The following STARD13 variants were observed in gnomAD, a reference collection of about 807,000 sequenced individuals.
The protein encoded by STARD13 is stAR-related lipid transfer protein 13.
A neutral mutation model predicts 106.4 loss-of-function variants in STARD13; 62 were observed. The ratio of observed to expected loss-of-function variants is 0.58; its 90% confidence interval spans 0.48 to 0.72. The LOEUF (loss-of-function observed/expected upper bound fraction) is 0.72. STARD13 is among the 30% of genes least tolerant of loss of function. The pLI is 0.00. For synonymous variants in STARD13, 565 were observed against 553.0 expected (o/e 1.02, Z -0.31); for missense variants, 1,387 against 1,424.0 (o/e 0.97, Z 0.42).
At chr13:33,121,758 C>A (rs1237498610) in intron 7 of STARD13, among the ~76,000 whole-genome samples, 2 of 145,036 alleles carry the variant, frequency 1.4e-5, no homozygotes, top group African/African-American at 2.5e-5. Context: ...AGCTCAACCA[C>A]AACCTCCATC....
the STARD13 span, among the ~76,000 whole-genome samples, chr13:33,476,495 T>C: frequency 6.6e-6 from 1 of 152,210 alleles, no homozygotes; most frequent in Non-Finnish European, 1.5e-5. Flanking sequence ...ATTATTTAAG[T>C]AAAAGGAGAT....
upstream of STARD13, among the ~76,000 whole-genome samples, chr13:33,353,063 C>T (rs1244850367): frequency 6.6e-6 from 1 of 152,172 alleles, no homozygotes; most frequent in East Asian, 1.9e-4. Context: ...GCTTTCTTTC[C>T]CTTCTTGTCC....
chr13:33,673,082 C>T, the STARD13 span, among the ~76,000 whole-genome samples: 1 of 152,172 alleles, frequency 6.6e-6, no homozygotes, highest in Non-Finnish European at 1.5e-5. Flanking sequence ...ACAAATGAAG[C>T]TAGGATGCTA....
At chr13:33,163,513 C>T (rs1029492668) in intron 3 of STARD13, among the ~76,000 whole-genome samples, 1 of 149,036 alleles carries the variant, frequency 6.7e-6, no homozygotes, top group African/African-American at 2.5e-5. Flanking sequence ...TCATTTGAAC[C>T]CAGGAGGTAA....
At chr13:33,137,459 A>C (rs922019114) in intron 4 of STARD13, among the ~76,000 whole-genome samples, 1 of 152,236 alleles carries the variant, frequency 6.6e-6, no homozygotes, top group African/African-American at 2.4e-5. Flanking sequence ...TCTGGAGGAC[A>C]GAGCTAAAGG....
the STARD13 span, among the ~76,000 whole-genome samples, chr13:33,622,646 G>A: frequency 7.0e-6 from 1 of 143,248 alleles, no homozygotes; most frequent in Non-Finnish European, 1.5e-5. Flanking sequence ...AAAAGGCTGG[G>A]CGTGGTGGCT....
intron 1 of STARD13, among the ~76,000 whole-genome samples, chr13:33,313,246 A>G (rs888161094): frequency 6.6e-6 from 1 of 152,224 alleles, no homozygotes; most frequent in Admixed American, 6.5e-5. Context: ...GGAATGAAAA[A>G]AATGTGTTAT....
chr13:33,189,811 G>C (rs1022977170), intron 1 of STARD13, among the ~76,000 whole-genome samples: 1 of 151,728 alleles, frequency 6.6e-6, no homozygotes, highest in African/African-American at 2.4e-5. Context: ...ATCCTTGCCC[G>C]GGTGATCCCA....
chr13:33,327,705 T>C (rs571223851), intron 1 of STARD13, among the ~76,000 whole-genome samples: 1 of 152,226 alleles, frequency 6.6e-6, no homozygotes, highest in African/African-American at 2.4e-5. Context: ...TTATTTTTTA[T>C]CATTGTAAGT....
At chr13:33,456,601 T>C in the STARD13 span, among the ~76,000 whole-genome samples, 2 of 152,198 alleles carry the variant, frequency 1.3e-5, no homozygotes, top group Non-Finnish European at 2.9e-5. Flanking sequence ...TTTTGCTGTG[T>C]CCTCACATGG....
At chr13:33,561,746 C>T in the STARD13 span, among the ~76,000 whole-genome samples, 2 of 146,618 alleles carry the variant, frequency 1.4e-5, no homozygotes, top group East Asian at 2.0e-4. Flanking sequence ...TATACTCTAA[C>T]ACTTAGTACA....
chr13:33,208,868 G>T (rs1887561051), intron 1 of STARD13, among the ~76,000 whole-genome samples: 1 of 152,158 alleles, frequency 6.6e-6, no homozygotes, highest in Non-Finnish European at 1.5e-5. Flanking sequence ...TTTAATTTCA[G>T]CATCTTTCAT....
the STARD13 span, among the ~76,000 whole-genome samples, chr13:33,378,586 C>T: frequency 3.0e-4 from 46 of 152,136 alleles, no homozygotes; most frequent in South Asian, 4.1e-4. Flanking sequence ...GTCAGGAGTT[C>T]GAGACCAGCC....
At chr13:33,231,254 G>T (rs551641955) in intron 1 of STARD13, among the ~76,000 whole-genome samples, 1 of 152,178 alleles carries the variant, frequency 6.6e-6, no homozygotes, top group African/African-American at 2.4e-5. Context: ...GGCAGCCATC[G>T]GTGCATAAGG....
chr13:33,628,905 T>G, the STARD13 span, among the ~76,000 whole-genome samples: 1 of 152,226 alleles, frequency 6.6e-6, no homozygotes, highest in Non-Finnish European at 1.5e-5. Context: ...GAAATAGCTA[T>G]GATGGTAGCG....
the STARD13 span, among the ~76,000 whole-genome samples, chr13:33,417,482 G>A: frequency 2.0e-5 from 3 of 152,210 alleles, no homozygotes; most frequent in South Asian, 2.1e-4. Flanking sequence ...TGTTCATAGC[G>A]GCATTATTCA....
the STARD13 span, among the ~76,000 whole-genome samples, chr13:33,555,868 T>C: frequency 1.3e-5 from 2 of 152,232 alleles, no homozygotes; most frequent in Non-Finnish European, 2.9e-5. Flanking sequence ...AATCTCTTGT[T>C]AGTATTAGAC....
intron 1 of STARD13, among the ~76,000 whole-genome samples, chr13:33,282,308 C>T (rs1025828309): frequency 6.6e-6 from 1 of 152,156 alleles, no homozygotes; most frequent in Non-Finnish European, 1.5e-5. Flanking sequence ...AAAAAACAGG[C>T]TAGAGAAATG....
chr13:33,552,847 A>G, the STARD13 span, among the ~76,000 whole-genome samples: 1 of 152,298 alleles, frequency 6.6e-6, no homozygotes, highest in African/African-American at 2.4e-5. Context: ...ATCATAATGA[A>G]AGTTTGATTT....
Sources: allele counts gnomAD v4.1 joint callset (sites outside exome capture counted in the v4.1 genomes callset), GRCh38; gene constraint gnomAD v4.1.1; transcripts MANE v1.5; gene names NCBI Gene and HGNC (gene_info 2026-07-23, HGNC 2026-07-21).